The following COL6A5 variants were observed in gnomAD, a reference collection of about 807,000 sequenced individuals.
The protein encoded by COL6A5 is collagen alpha-5(VI) chain.
In COL6A5, 48 loss-of-function variants were observed where a neutral mutation model predicts 65.6. The ratio of observed to expected loss-of-function variants is 0.73; its 90% CI spans 0.58 to 0.93. COL6A5 has a LOEUF of 0.93. COL6A5 is among the 40% of genes least tolerant of loss of function. The pLI is 0.00. For missense variants in COL6A5, 914 were observed against 928.3 expected, an observed-to-expected ratio of 0.98 and a Z score of 0.20; for synonymous variants, 291 against 322.8, an observed-to-expected ratio of 0.90 and a Z score of 1.05.
intron 4 of COL6A5, among the ~76,000 whole-genome samples, chr3:130,448,590 C>A (rs1311105222): frequency 6.6e-6 from 1 of 152,088 alleles, no homozygotes; most frequent in Admixed American, 6.6e-5. Context: ...GATGTGTAAT[C>A]CAGCCTCTGT....
chr3:130,363,236 A>G (rs1935205800), intron 1 of COL6A5, among the ~76,000 whole-genome samples: 1 of 152,204 alleles, frequency 6.6e-6, no homozygotes, highest in South Asian at 2.1e-4. Flanking sequence ...ATACTTTCAA[A>G]TATCACTATA....
intron 7 of COL6A5, among the ~76,000 whole-genome samples, chr3:130,472,832 C>CATATATATATATATATAT (rs10654631): frequency 0.032 from 3,127 of 98,842 alleles, 144 homozygotes; most frequent in East Asian, 0.073. Context: ...TGTGTGTATA[C>CATATATATATATATATAT]ATATATATAT....
chr3:130,429,245 G>GAA (rs1937693035), upstream of COL6A5, among the ~76,000 whole-genome samples: 1 of 152,184 alleles, frequency 6.6e-6, no homozygotes, highest in Non-Finnish European at 1.5e-5. Context: ...AAAACAAATT[G>GAA]AATTTCAGCT....
intron 4 of COL6A5, among the ~76,000 whole-genome samples, chr3:130,446,839 TC>T (rs1709317112): frequency 6.6e-6 from 1 of 152,140 alleles, no homozygotes; most frequent in Non-Finnish European, 1.5e-5. Flanking sequence ...TGGCTTGTCT[TC>T]GTTTAAGGAG....
intron 28 of COL6A5, among the ~76,000 whole-genome samples, chr3:130,423,000 TG>T (rs1937542711): frequency 2.6e-5 from 4 of 152,140 alleles, no homozygotes; most frequent in Non-Finnish European, 5.9e-5. Flanking sequence ...TAAAAGTTTA[TG>T]GTTCAATGAA....
rs1010635926 is a variant in COL6A5, at chr3:130,439,618, A to G, written c.581+3A>G. 2.9e-5 allele frequency: 45 copies of G among 1,544,932 alleles called. No homozygotes were observed. Among genetic ancestry groups the G allele is most frequent in the Non-Finnish European group, 3.9e-5 (45 of 1,141,206 alleles). On this transcript the variant is annotated splice_donor_region_variant and intron_variant, in intron 2 of 7. Coordinates refer to ENST00000512836, the Ensembl canonical transcript of COL6A5. ...TCGGCGCTGTGCACTTTGCTATGGT[A>G]AGACCAATGAAGAGAATTGACTGTG...
At chr3:130,475,714 C>A (rs893748009) in intron 7 of COL6A5, among the ~76,000 whole-genome samples, 8 of 151,966 alleles carry the variant, frequency 5.3e-5, no homozygotes, top group Non-Finnish European at 8.8e-5. Context: ...GGAAGGGACA[C>A]AAATGAGAAA....
At position 130,347,844 on chromosome 3, in the gene COL6A5, T is replaced by TGG. The variant is rs1577412916; in HGVS notation, c.-29+1863_-29+1864insGG. 3.3e-5 allele frequency among the ~76,000 whole-genome samples: 5 copies of TGG among 152,286 alleles called. No homozygotes were observed. The East Asian group carries it at 9.7e-4, about 29-fold the overall frequency. The stretch of plus-strand genomic sequence containing the variant: ...CAATCTTGTAGGATCTCAGATCCAG[T>TGG]ACACACTGAGCAAGTGGAAAGTGCA... On this transcript the variant is annotated intron_variant and NMD_transcript_variant, in intron 1 of 41. Transcript: ENST00000312481.
At chr3:130,373,743 T>A in intron 2 of COL6A5, 38 bp downstream of exon 2, 1 of 1,244,230 alleles carries the variant, frequency 8.0e-7, no homozygotes, top group Non-Finnish European at 1.1e-6. Flanking sequence ...ATTTAGGAAA[T>A]ATTTTTACAT....
At chr3:130,399,582 A>G (rs986571837) in intron 10 of COL6A5, among the ~76,000 whole-genome samples, 1 of 151,906 alleles carries the variant, frequency 6.6e-6, no homozygotes, top group Non-Finnish European at 1.5e-5. Context: ...CGTGTTAGCC[A>G]GGATGGCCTG....
intron 28 of COL6A5, 93 bp from the exon 29 acceptor site, chr3:130,423,743 ATT>A (rs35980322): frequency 1.1e-6 from 1 of 914,236 alleles, no homozygotes; most frequent in Non-Finnish European, 1.6e-6. Flanking sequence ...TCTTTTTAAA[ATT>A]TTTTTTAAAA....
At chr3:130,390,699 G>A (rs1332035831) in intron 6 of COL6A5, among the ~76,000 whole-genome samples, 1 of 152,170 alleles carries the variant, frequency 6.6e-6, no homozygotes, top group Non-Finnish European at 1.5e-5. Context: ...TTGCATACCC[G>A]AGGGTCCAAA....
At chr3:130,362,324 ATATTTTTTTT>A (rs1559858157) in intron 1 of COL6A5, among the ~76,000 whole-genome samples, 1 of 2,730 alleles carries the variant, frequency 3.7e-4, no homozygotes, top group Admixed American at 4.4e-3. Context: ...ATATATATAT[ATATTTTTTTT>A]TTTTTTTTTT....
chr3:130,403,538 C>T, intron 12 of COL6A5, 71 bp from the exon 13 acceptor site: 1 of 1,331,754 alleles, frequency 7.5e-7, no homozygotes, highest in Non-Finnish European at 1.0e-6. Flanking sequence ...CTTAGAATGC[C>T]TAATGATTTC....
upstream of COL6A5, chr3:130,429,552 T>C: frequency 6.5e-7 from 1 of 1,544,938 alleles, no homozygotes; most frequent in Non-Finnish European, 8.7e-7. Flanking sequence ...TAACAAACTT[T>C]TCCCTCTCTC....
intron 1 of COL6A5, among the ~76,000 whole-genome samples, chr3:130,436,330 G>A (rs1709033320): frequency 6.6e-6 from 1 of 151,776 alleles, no homozygotes; most frequent in African/African-American, 2.4e-5. Context: ...GTCTACTATA[G>A]ATGGATTTTT....
chr3:130,398,071 C>T, exon 10 of COL6A5: 1 of 1,541,696 alleles, frequency 6.5e-7, no homozygotes, highest in Non-Finnish European at 8.8e-7. Context: ...GTGAAAGCAA[C>T]ATAATGCTTG....
intron 31 of COL6A5, 36 bp downstream of exon 31, chr3:130,426,439 T>C (rs1392261729): frequency 6.5e-7 from 1 of 1,548,602 alleles, no homozygotes; most frequent in Non-Finnish European, 8.7e-7. Context: ...CATCCATCAA[T>C]GGTTGGTGAG....
At chr3:130,438,854 A>G (rs1709101895) in intron 1 of COL6A5, among the ~76,000 whole-genome samples, 1 of 152,216 alleles carries the variant, frequency 6.6e-6, no homozygotes, top group Non-Finnish European at 1.5e-5. Flanking sequence ...TGAGTGCTGT[A>G]TATTGCCCAT....
Sources: gnomAD v4.1 joint callset for allele counts (sites outside exome capture counted in the v4.1 genomes callset) on GRCh38, gnomAD v4.1.1 for gene constraint, MANE v1.5 for transcripts, NCBI Gene and HGNC (gene_info 2026-07-23, HGNC 2026-07-21) for gene names.